The following USP34 variants were observed in gnomAD, a reference collection of about 807,000 sequenced individuals.
The protein encoded by USP34 is ubiquitin carboxyl-terminal hydrolase 34.
In USP34, 70 loss-of-function variants were observed where a neutral mutation model predicts 460.3. The ratio of observed to expected loss-of-function variants is 0.15; its 90% CI spans 0.13 to 0.19. The LOEUF is 0.19. Among genes scored for constraint, USP34 ranks in the 10% least tolerant of loss-of-function variants. The pLI, the probability that USP34 is intolerant of heterozygous loss-of-function variation, is 1.00. For synonymous variants in USP34, 1,647 were observed against 1,405.3 expected (o/e 1.17, Z -3.85); for missense variants, 3,985 against 4,236.2 (o/e 0.94, Z 1.65).
At chr2:61,380,678 C>A (rs952632179) in intron 6 of USP34, among the ~76,000 whole-genome samples, 5 of 152,312 alleles carry the variant, frequency 3.3e-5, no homozygotes, top group Middle Eastern at 6.8e-3. Context: ...TATTTCTACA[C>A]CTTAAATCTG....
intron 42 of USP34, 95 bp downstream of exon 42, chr2:61,265,889 G>C: frequency 1.7e-6 from 2 of 1,151,558 alleles, no homozygotes; most frequent in Non-Finnish European, 1.2e-6. Flanking sequence ...ATGTTAAAGT[G>C]TGTGAAGAGC....
chr2:61,202,414 C>G (rs906512328), intron 75 of USP34, among the ~76,000 whole-genome samples: 1 of 152,036 alleles, frequency 6.6e-6, no homozygotes, highest in Non-Finnish European at 1.5e-5. Context: ...GACACAGACG[C>G]CTAGAACTCT....
At chr2:61,232,387 G>T in intron 58 of USP34, 65 bp downstream of exon 58, 2 of 1,309,444 alleles carry the variant, frequency 1.5e-6, no homozygotes, top group South Asian at 1.2e-5. Flanking sequence ...TAAGCAAATT[G>T]AGAATAATTA....
chr2:61,470,246 AG>A (rs1184291088), intron 1 of USP34, among the ~76,000 whole-genome samples: 1 of 152,194 alleles, frequency 6.6e-6, no homozygotes, highest in Non-Finnish European at 1.5e-5. Flanking sequence ...GAAATCAAAG[AG>A]GGCGGCCGGA....
Position 61,331,356 on chromosome 2 carries a change from T to C in USP34, c.2850A>G (p.Glu950=). 1.2e-6 allele frequency: 2 copies of C among 1,611,204 alleles called. No homozygotes were observed. The highest frequency in any genetic ancestry group is 1.7e-6 in the Non-Finnish European group (2 of 1,178,716). ...CAAAGAAAAGCTTCATCATGTTCAGTTCTTTTTCTGCCCACCTGGCCCAAA... is the reference window on the plus strand; with the variant it reads ...CAAAGAAAAGCTTCATCATGTTCAGCTCTTTTTCTGCCCACCTGGCCCAAA... ...THWITMWAEK[E]LNMMKLFFDN... The change falls in exon 20 of 80, where the codon GAA becomes GAG. Residue 950 remains glutamate (E), a synonymous_variant. Coordinates refer to ENST00000398571, the MANE Select transcript of USP34 (RefSeq NM_014709.4).
intron 29 of USP34, among the ~76,000 whole-genome samples, chr2:61,298,312 G>A (rs540680905): frequency 2.3e-5 from 3 of 133,198 alleles, no homozygotes; most frequent in South Asian, 4.9e-4. Context: ...ACAAGGTCAG[G>A]AGATCAAGAC....
intron 1 of USP34, among the ~76,000 whole-genome samples, chr2:61,438,923 T>C (rs1051104548): frequency 4.6e-5 from 7 of 152,160 alleles, no homozygotes; most frequent in African/African-American, 1.7e-4. Context: ...GTAAAACCTA[T>C]GCTCCACTAA....
chr2:61,464,099 A>G (rs1354036233), intron 1 of USP34, among the ~76,000 whole-genome samples: 1 of 152,244 alleles, frequency 6.6e-6, no homozygotes, highest in Non-Finnish European at 1.5e-5. Context: ...CAGGTGGATC[A>G]CCTGACATCA....
intron 19 of USP34, among the ~76,000 whole-genome samples, chr2:61,331,639 T>G (rs532305641): frequency 6.6e-6 from 1 of 152,158 alleles, no homozygotes; most frequent in East Asian, 1.9e-4. Context: ...GAGTTAATAT[T>G]AAAAGTAATA....
chr2:61,238,306 A>T (rs892315577), intron 53 of USP34, among the ~76,000 whole-genome samples: 7 of 152,170 alleles, frequency 4.6e-5, no homozygotes, highest in Non-Finnish European at 1.0e-4. Context: ...CATGCCAATA[A>T]GCTCTGTCCT....
intron 8 of USP34, among the ~76,000 whole-genome samples, chr2:61,376,708 G>T (rs950144525): frequency 1.3e-5 from 2 of 149,664 alleles, no homozygotes; most frequent in African/African-American, 4.9e-5. Context: ...AGTGAAAATG[G>T]CACCATCTCG....
At chr2:61,326,973 A>C (rs905341127) in intron 20 of USP34, among the ~76,000 whole-genome samples, 7 of 151,404 alleles carry the variant, frequency 4.6e-5, no homozygotes, top group African/African-American at 1.7e-4. Flanking sequence ...TTTTAGTAGA[A>C]ATATGGTGTC....
intron 1 of USP34, among the ~76,000 whole-genome samples, chr2:61,421,611 C>G (rs1291831170): frequency 6.6e-6 from 1 of 152,106 alleles, no homozygotes; most frequent in Admixed American, 6.6e-5. Context: ...CTTACTGTTT[C>G]TTTATATATT....
chr2:61,307,666 A>G (rs1690455524), intron 27 of USP34, among the ~76,000 whole-genome samples: 1 of 152,176 alleles, frequency 6.6e-6, no homozygotes, highest in African/African-American at 2.4e-5. Context: ...ATTTTTAGAG[A>G]AACTTTTTTC....
At chr2:61,221,776 G>T in intron 65 of USP34, 170 bp from the exon 66 acceptor site, 1 of 527,958 alleles carries the variant, frequency 1.9e-6, no homozygotes. Flanking sequence ...AGCAGGATCA[G>T]CGAGGGGTAC....
intron 57 of USP34, among the ~76,000 whole-genome samples, chr2:61,234,007 T>C (rs1485678512): frequency 6.6e-6 from 1 of 152,056 alleles, no homozygotes; most frequent in African/African-American, 2.4e-5. Context: ...AATTCTTCCA[T>C]TATGGAAAAA....
intron 1 of USP34, among the ~76,000 whole-genome samples, chr2:61,463,834 CA>C (rs532688800): frequency 6.4e-4 from 77 of 120,664 alleles, no homozygotes; most frequent in South Asian, 1.4e-3. Flanking sequence ...AATTCCTTTT[CA>C]AAAAAAAAAA....
chr2:61,402,129 A>G (rs978087821), intron 3 of USP34, among the ~76,000 whole-genome samples: 1 of 151,836 alleles, frequency 6.6e-6, no homozygotes, highest in African/African-American at 2.4e-5. Flanking sequence ...ATAAAAATAA[A>G]CTTAGCCAGG....
At chr2:61,303,220 T>C (rs1380554832) in intron 27 of USP34, among the ~76,000 whole-genome samples, 1 of 151,584 alleles carries the variant, frequency 6.6e-6, no homozygotes, top group East Asian at 2.0e-4. Context: ...GCGTGCACCA[T>C]CACACTTAAC....
Sources: allele counts gnomAD v4.1 joint callset (sites outside exome capture counted in the v4.1 genomes callset), GRCh38; gene constraint gnomAD v4.1.1; transcripts MANE v1.5; gene names NCBI Gene and HGNC (gene_info 2026-07-23, HGNC 2026-07-21).